Variants in RAB18 observed in about 807,000 individuals in gnomAD.
The protein encoded by RAB18 is ras-related protein Rab-18.
In RAB18, 10 loss-of-function variants were observed where a neutral mutation model predicts 28.5. The ratio of observed to expected loss-of-function variants is 0.35; its 90% confidence interval spans 0.22 to 0.60. The LOEUF is 0.60. RAB18 is among the 20% of genes least tolerant of loss of function. RAB18 has a pLI of 0.78. For synonymous variants in RAB18, 93 were observed against 86.9 expected (o/e 1.07, Z -0.39); for missense variants, 188 against 244.2 (o/e 0.77, Z 1.53).
intron 3 of RAB18, among the ~76,000 whole-genome samples, chr10:27,528,975 TAA>T (rs1173611630): frequency 3.3e-5 from 5 of 152,054 alleles, no homozygotes; most frequent in Admixed American, 2.6e-4. Flanking sequence ...TTTTAAAAAA[TAA>T]GTTTTCTTTT....
At chr10:27,526,158 CT>C (rs918981971) in intron 2 of RAB18, among the ~76,000 whole-genome samples, 1 of 152,078 alleles carries the variant, frequency 6.6e-6, no homozygotes, top group Non-Finnish European at 1.5e-5. Flanking sequence ...CTTATAGAAG[CT>C]TTTCATAGAA....
At position 27,540,762 on chromosome 10, in the gene RAB18, G is replaced by A. The variant is rs982857584; in HGVS notation, c.*2711G>A. 2.2e-6 allele frequency: 1 copy of A among 453,944 alleles called. No individual in the cohort carries two copies. Among genetic ancestry groups the A allele is most frequent in the African/African-American group, 2.0e-5 (1 of 49,994 alleles). 28.1% of individuals were successfully genotyped at this position (453,944 alleles called of 1,614,324 possible). A position where few individuals can be genotyped will look rare whatever the true frequency, so the allele number is the denominator to read the frequency against. On this transcript the variant is annotated 3_prime_UTR_variant, in exon 7 of 7. Transcript: ENST00000356940. The stretch of plus-strand genomic sequence containing the variant: ...GGTGATGTTTTCATTTCATGTATTT[G>A]ATTGCCATCCATAAACTCATACTTG...
Position 27,541,662 on chromosome 10 carries a change from C to A in RAB18, c.*3611C>A, listed in dbSNP as rs770577425. On this transcript the variant is annotated 3_prime_UTR_variant, in exon 7 of 7. Transcript: ENST00000356940. ...TTTTTTTTTTTTCCTCTTTTTTAAC[C>A]GGAGAAGCAACAAATTACGTAGTTT... 2.2e-6 allele frequency: 1 copy of A among 449,204 alleles called. No individual in the cohort carries two copies. The highest frequency in any genetic ancestry group is 4.4e-6 in the Non-Finnish European group (1 of 225,768). The allele number at this position is 449,204 out of a possible 1,614,324, so 27.8% of individuals were successfully genotyped here. A position where few individuals can be genotyped will look rare whatever the true frequency, so the allele number is the denominator to read the frequency against.
chr10:27,513,819 C>T (rs1331979338), intron 2 of RAB18: 1 of 152,180 alleles, frequency 6.6e-6, no homozygotes, highest in Non-Finnish European at 1.5e-5. Flanking sequence ...CCCTTGTTTA[C>T]AAAAGTGAAG....
chr10:27,529,242 G>A (rs1374284522), intron 3 of RAB18, among the ~76,000 whole-genome samples: 2 of 151,858 alleles, frequency 1.3e-5, no homozygotes, highest in Non-Finnish European at 1.5e-5. Flanking sequence ...ATGGGGAGGT[G>A]AAGAGGAGGT....
chr10:27,533,702 T>C (rs1373061068), intron 4 of RAB18, 33 bp from the exon 5 acceptor site: 1 of 1,609,058 alleles, frequency 6.2e-7, no homozygotes, highest in Non-Finnish European at 8.5e-7. Flanking sequence ...CTTTCTTTAA[T>C]GCTTATTTAA....
In RAB18 at chr10:27,538,329, A is replaced by T. The variant is rs41282848; in HGVS notation, c.*278A>T. 0.011 allele frequency: 5,915 copies of T among 540,806 alleles called. 49 individuals are homozygous for T. Among genetic ancestry groups the T allele is most frequent in the Non-Finnish European group, 0.015 (4,365 of 284,446 alleles). 33.5% of individuals were successfully genotyped at this position (540,806 alleles called of 1,614,324 possible). The stretch of plus-strand genomic sequence containing the variant: ...GATTTACATTTATCATGTAATTTTT[A>T]AAAAAATCCATCTATCTAGGATATG... On this transcript the variant is annotated 3_prime_UTR_variant, in exon 7 of 7. Coordinates refer to ENST00000356940, the MANE Select transcript of RAB18 (RefSeq NM_021252.5).
chr10:27,533,061 G>C (rs1022681629), intron 4 of RAB18, among the ~76,000 whole-genome samples: 1 of 152,006 alleles, frequency 6.6e-6, no homozygotes, highest in Non-Finnish European at 1.5e-5. Flanking sequence ...AAAAGTGCTT[G>C]TTCTTGATAT....
rs1222807896 is a variant in RAB18 at position 27,540,031 on chromosome 10, C to G, written c.*1980C>G. 6.6e-6 allele frequency: 3 copies of G among 453,832 alleles called. No homozygotes were observed. The highest frequency in any genetic ancestry group is 4.7e-5 in the Admixed American group (2 of 42,542). The allele number at this position is 453,832 out of a possible 1,614,324, so 28.1% of individuals were successfully genotyped here. ...GTAACAGGGTTTTGTTAATTCTTTT[C>G]AGAATCATTGAAGCAGTCTTAAAGG... On this transcript the variant is annotated 3_prime_UTR_variant, in exon 7 of 7. Coordinates refer to ENST00000356940, the MANE Select transcript of RAB18 (RefSeq NM_021252.5).
intron 4 of RAB18, 82 bp from the exon 5 acceptor site, chr10:27,533,653 G>A (rs1834833151): frequency 6.5e-7 from 1 of 1,548,060 alleles, no homozygotes; most frequent in African/African-American, 1.4e-5. Flanking sequence ...GCTTAGTAAT[G>A]CTAACTCCTA....
chr10:27,506,022 A>C (rs1205734803), intron 1 of RAB18, among the ~76,000 whole-genome samples: 1 of 152,202 alleles, frequency 6.6e-6, no homozygotes, highest in Non-Finnish European at 1.5e-5. Flanking sequence ...ATGATCATCT[A>C]TTATTGCACA....
intron 2 of RAB18, among the ~76,000 whole-genome samples, chr10:27,520,978 A>G (rs1435390997): frequency 6.7e-6 from 1 of 149,040 alleles, no homozygotes; most frequent in Non-Finnish European, 1.5e-5. Flanking sequence ...CTTTCACGGC[A>G]TTCCCTAAAT....
chr10:27,530,295 C>A (rs1834760809), intron 3 of RAB18, among the ~76,000 whole-genome samples: 1 of 151,950 alleles, frequency 6.6e-6, no homozygotes, highest in Admixed American at 6.6e-5. Flanking sequence ...GGAAAAATAG[C>A]TGCTTCTTAA....
chr10:27,517,798 C>T (rs1834468049), intron 2 of RAB18, among the ~76,000 whole-genome samples: 1 of 152,140 alleles, frequency 6.6e-6, no homozygotes, highest in African/African-American at 2.4e-5. Flanking sequence ...AGTCAGCATA[C>T]CAAATAGTTC....
rs1834304017 is a variant in RAB18 at position 27,510,516 on chromosome 10, A to G, written c.124+586A>G. The G allele has an allele frequency of 3.8e-5, 6 of 159,022 alleles. No homozygotes were observed. The South Asian group carries it at 1.1e-3, about 29-fold the overall frequency. The allele number at this position is 159,022 out of a possible 1,614,324, so 9.9% of individuals were successfully genotyped here. A position where few individuals can be genotyped will look rare whatever the true frequency, so the allele number is the denominator to read the frequency against. Reference sequence around the variant, plus strand: ...ACACTAACTTATGAGAATATATGAGAAGATAGAGGTAAGTATTTTGGTATC... The same window carrying G: ...ACACTAACTTATGAGAATATATGAGGAGATAGAGGTAAGTATTTTGGTATC... On this transcript the variant is annotated intron_variant, in intron 2 of 6. Coordinates refer to ENST00000356940, the MANE Select transcript of RAB18 (RefSeq NM_021252.5).
In RAB18 at chr10:27,539,636, AGTCT is replaced by A. The variant is rs1313474755; in HGVS notation, c.*1588_*1591del. 1 of 453,180 alleles carries A rather than the reference AGTCT, an allele frequency of 2.2e-6. No individual in the cohort carries two copies. The highest frequency in any genetic ancestry group is 4.4e-6 in the Non-Finnish European group (1 of 226,502). 28.1% of individuals were successfully genotyped at this position (453,180 alleles called of 1,614,324 possible). A position where few individuals can be genotyped will look rare whatever the true frequency, so the allele number is the denominator to read the frequency against. On this transcript the variant is annotated 3_prime_UTR_variant, in exon 7 of 7. Coordinates refer to ENST00000356940, the MANE Select transcript of RAB18 (RefSeq NM_021252.5). ...ACTTGAGATTTGTGTATTTATGTAG[AGTCT>A]GTATTGACAAGACTGTTGTTTTTTG...
chr10:27,532,659 C>A, intron 4 of RAB18, 80 bp downstream of exon 4: 2 of 1,070,270 alleles, frequency 1.9e-6, no homozygotes, highest in South Asian at 1.3e-5. Flanking sequence ...GTTAATATGT[C>A]TTTGTTTTAC....
intron 2 of RAB18, among the ~76,000 whole-genome samples, chr10:27,524,260 C>T (rs1463617297): frequency 6.6e-6 from 1 of 152,094 alleles, no homozygotes; most frequent in African/African-American, 2.4e-5. Flanking sequence ...TCTGTTTGAT[C>T]CTTTTTTATG....
At chr10:27,535,791 T>C (rs1406730505) in intron 6 of RAB18, among the ~76,000 whole-genome samples, 1 of 151,984 alleles carries the variant, frequency 6.6e-6, no homozygotes, top group African/African-American at 2.4e-5. Context: ...GGAGGATAAT[T>C]AAAAAGAGCA....
Sources: gnomAD v4.1 joint callset for allele counts (sites outside exome capture counted in the v4.1 genomes callset) on GRCh38, gnomAD v4.1.1 for gene constraint, MANE v1.5 for transcripts, NCBI Gene and HGNC (gene_info 2026-07-23, HGNC 2026-07-21) for gene names.